Variants in ZFPM2 observed in about 807,000 individuals in gnomAD.
ZFPM2 encodes zinc finger protein ZFPM2.
A neutral mutation model predicts 98.6 loss-of-function variants in ZFPM2; 20 were observed. The observed-to-expected ratio is 0.20, with a 90% confidence interval of 0.14 to 0.29. ZFPM2 has a LOEUF of 0.29. Ranked by LOEUF, ZFPM2 falls within the 10% of genes least tolerant of loss-of-function variation. The pLI is 1.00. For missense variants in ZFPM2, 1,310 were observed against 1,388.6 expected (o/e 0.94, Z 0.90); for synonymous variants, 518 against 502.7 (o/e 1.03, Z -0.41).
chr8:105,584,335 A>G (rs1815667300), intron 4 of ZFPM2, among the ~76,000 whole-genome samples: 1 of 152,092 alleles, frequency 6.6e-6, no homozygotes, highest in East Asian at 1.9e-4. Flanking sequence ...TATCCACAAC[A>G]AAGTATATCC....
chr8:105,786,888 C>T (rs1048408256), intron 5 of ZFPM2, among the ~76,000 whole-genome samples: 1 of 152,172 alleles, frequency 6.6e-6, no homozygotes, highest in Non-Finnish European at 1.5e-5. Context: ...GTGAAAGGTA[C>T]ACATAGCTGG....
intron 5 of ZFPM2, among the ~76,000 whole-genome samples, chr8:105,658,757 T>G (rs186568404): frequency 2.4e-4 from 36 of 152,308 alleles, no homozygotes; most frequent in Non-Finnish European, 4.0e-4. Flanking sequence ...ATGGACTTCT[T>G]CACTTTTCAG....
rs555804841 is a variant in ZFPM2, at chr8:105,382,226, C to T, written c.41-36918C>T. Among the ~76,000 whole-genome samples, 5 of 152,076 alleles carry T rather than the reference C, an allele frequency of 3.3e-5. No homozygotes were observed. The East Asian group carries it at 9.6e-4, about 29-fold the overall frequency. The stretch of plus-strand genomic sequence containing the variant: ...TTCTATCTGGTCAATAGTATGATTT[C>T]CTGACACCATCCTTCTGTGTATGCA... On this transcript the variant is annotated intron_variant, in intron 1 of 7. Transcript: ENST00000407775.
intron 4 of ZFPM2, among the ~76,000 whole-genome samples, chr8:105,575,342 C>T (rs1815443853): frequency 6.6e-6 from 1 of 152,122 alleles, no homozygotes; most frequent in South Asian, 2.1e-4. Flanking sequence ...CCTCCCTTTC[C>T]CCAATTGTTG....
chr8:105,676,111 C>T (rs1433086327), intron 5 of ZFPM2: 1 of 152,148 alleles, frequency 6.6e-6, no homozygotes, highest in Non-Finnish European at 1.5e-5. Flanking sequence ...TCCTCAGAAT[C>T]TGGGAGAAGG....
chr8:105,727,140 C>G (rs1385865148), intron 5 of ZFPM2, among the ~76,000 whole-genome samples: 2 of 150,764 alleles, frequency 1.3e-5, no homozygotes, highest in Non-Finnish European at 3.0e-5. Context: ...TCTTTGTTAC[C>G]TGGGATTTTG....
chr8:105,451,524 C>CCCTTAATCCAGTATAACTG (rs1812484958), intron 3 of ZFPM2: 1 of 152,100 alleles, frequency 6.6e-6, no homozygotes, highest in Non-Finnish European at 1.5e-5. Flanking sequence ...GTAGGGTGGA[C>CCCTTAATCCAGTATAACTG]CCTTAATCCA....
chr8:105,587,584 A>C (rs1815750709), intron 4 of ZFPM2, among the ~76,000 whole-genome samples: 1 of 152,216 alleles, frequency 6.6e-6, no homozygotes, highest in Admixed American at 6.5e-5. Flanking sequence ...GCACAACATA[A>C]TCCAAAAAGA....
intron 1 of ZFPM2, among the ~76,000 whole-genome samples, chr8:105,392,678 C>T (rs1016009738): frequency 4.6e-5 from 7 of 152,048 alleles, no homozygotes; most frequent in Admixed American, 6.6e-5. Flanking sequence ...TAATTTTTGT[C>T]GAAACTACTT....
intron 3 of ZFPM2, among the ~76,000 whole-genome samples, chr8:105,517,332 A>G (rs1465668071): frequency 6.6e-6 from 1 of 152,198 alleles, no homozygotes; most frequent in Non-Finnish European, 1.5e-5. Context: ...TACTCTTAAA[A>G]GTGATTTTCC....
At chr8:105,431,762 A>G (rs573011538) in intron 2 of ZFPM2, among the ~76,000 whole-genome samples, 19 of 152,026 alleles carry the variant, frequency 1.2e-4, no homozygotes, top group Admixed American at 9.8e-4. Context: ...AAAATAACAA[A>G]CAGAAAACCT....
chr8:105,551,939 T>C (rs1005518707), intron 3 of ZFPM2, among the ~76,000 whole-genome samples: 2 of 99,622 alleles, frequency 2.0e-5, no homozygotes, highest in Non-Finnish European at 1.9e-5. Context: ...ATATCAGCAA[T>C]GACTTGTGAT....
At chr8:105,501,178 T>A (rs1156843641) in intron 3 of ZFPM2, among the ~76,000 whole-genome samples, 1 of 139,932 alleles carries the variant, frequency 7.1e-6, no homozygotes, top group African/African-American at 2.7e-5. Context: ...ATGAATTTAC[T>A]TTTCTCTTTT....
chr8:105,341,535 TAAC>T (rs1226636104), intron 1 of ZFPM2, among the ~76,000 whole-genome samples: 1 of 152,002 alleles, frequency 6.6e-6, no homozygotes, highest in Non-Finnish European at 1.5e-5. Flanking sequence ...ACTGTAATGT[TAAC>T]AATATAACAT....
chr8:105,762,956 T>C (rs1443232817), intron 5 of ZFPM2, among the ~76,000 whole-genome samples: 2 of 151,906 alleles, frequency 1.3e-5, no homozygotes, highest in East Asian at 1.9e-4. Context: ...CCTCGTCAAA[T>C]TTGTCTAAAT....
intron 4 of ZFPM2, among the ~76,000 whole-genome samples, chr8:105,601,555 A>G (rs923850016): frequency 6.6e-6 from 1 of 152,106 alleles, no homozygotes; most frequent in Non-Finnish European, 1.5e-5. Flanking sequence ...AATTATAGCC[A>G]AATTCTTCTA....
At chr8:105,465,674 A>G (rs1464808513) in intron 3 of ZFPM2, among the ~76,000 whole-genome samples, 2 of 151,964 alleles carry the variant, frequency 1.3e-5, no homozygotes, top group Non-Finnish European at 2.9e-5. Flanking sequence ...GATATTCCTG[A>G]TATTGTGGCT....
intron 3 of ZFPM2, among the ~76,000 whole-genome samples, chr8:105,488,158 A>C (rs1813273323): frequency 6.6e-6 from 1 of 152,194 alleles, no homozygotes; most frequent in Non-Finnish European, 1.5e-5. Flanking sequence ...CATTAGGGAC[A>C]CCAGTTAATA....
intron 5 of ZFPM2, among the ~76,000 whole-genome samples, chr8:105,714,042 T>G (rs1811462835): frequency 6.6e-6 from 1 of 152,066 alleles, no homozygotes; most frequent in South Asian, 2.1e-4. Context: ...TGTAGATTGT[T>G]TTGGGCAGTA....
Sources: gnomAD v4.1 joint callset for allele counts (sites outside exome capture counted in the v4.1 genomes callset) on GRCh38, gnomAD v4.1.1 for gene constraint, MANE v1.5 for transcripts, NCBI Gene and HGNC (gene_info 2026-07-23, HGNC 2026-07-21) for gene names.